The following ADGRD1 variants were observed in gnomAD, a reference collection of about 807,000 sequenced individuals.
The protein encoded by ADGRD1 is G-protein coupled receptor 133.
In ADGRD1, 77 loss-of-function variants were observed where a neutral mutation model predicts 113.4. That is an observed-to-expected ratio of 0.68 (90% CI 0.57 to 0.82). ADGRD1 has a LOEUF of 0.82. ADGRD1 is among the 40% of genes least tolerant of loss of function. ADGRD1 has a pLI of 0.00. For synonymous variants in ADGRD1, 474 were observed against 475.0 expected, an observed-to-expected ratio of 1.00 and a Z score of 0.03; for missense variants, 1,036 against 1,139.1, an observed-to-expected ratio of 0.91 and a Z score of 1.30.
intron 15 of ADGRD1, among the ~76,000 whole-genome samples, chr12:131,087,643 A>G (rs1886577883): frequency 6.6e-6 from 1 of 152,178 alleles, no homozygotes; most frequent in East Asian, 1.9e-4. Flanking sequence ...GTGACCCGCC[A>G]GATAATCCCG....
At chr12:131,013,996 A>G (rs963570401) in intron 12 of ADGRD1, among the ~76,000 whole-genome samples, 1 of 152,232 alleles carries the variant, frequency 6.6e-6, no homozygotes, top group Non-Finnish European at 1.5e-5. Flanking sequence ...GTTAAAACAC[A>G]GAATAGTTGA....
chr12:131,080,849 T>C lies in ADGRD1; in HGVS notation c.1548-3691T>C, dbSNP rs955069398. On this transcript the variant is annotated intron_variant, in intron 14 of 24. Transcript: ENST00000261654. ...GTTAGCCAGGATGGTCTCGATCTCC[T>C]GACCTCGTGATCCGCCCGCCTCGGC... Among the ~76,000 whole-genome samples, 6 of 152,186 alleles carry C rather than the reference T, an allele frequency of 3.9e-5. No individual in the cohort carries two copies. In the South Asian group the frequency reaches 1.2e-3, roughly 32 times the overall value.
chr12:131,006,186 G>A lies in ADGRD1; in HGVS notation c.1331+139G>A, dbSNP rs1271202231. 2.7e-5 allele frequency: 20 copies of A among 742,470 alleles called. No individual in the cohort carries two copies. The East Asian group carries it at 5.1e-4, about 19-fold the overall frequency. The allele number at this position is 742,470 out of a possible 1,614,324, so 46.0% of individuals were successfully genotyped here. On this transcript the variant is annotated intron_variant, in intron 12 of 24. Transcript: ENST00000261654. ...ACCGGGCGCTTCACTGCTCGGGCAA[G>A]GAAACGTGAAGCGTTTTGAAGGCCA...
intron 7 of ADGRD1, 36 bp downstream of exon 7, chr12:130,991,114 A>C (rs1375611646): frequency 6.4e-7 from 1 of 1,569,932 alleles, no homozygotes; most frequent in African/African-American, 1.3e-5. Flanking sequence ...CCCCTTGCTG[A>C]TGTTCTTCTG....
intron 18 of ADGRD1, among the ~76,000 whole-genome samples, chr12:131,111,097 C>CTTT (rs34797050): frequency 7.5e-5 from 11 of 147,444 alleles, no homozygotes; most frequent in Non-Finnish European, 1.5e-4. Context: ...ATTGTGTTTA[C>CTTT]TTTTTTTTTT....
At chr12:130,972,206 AC>A (rs1490095928) in intron 4 of ADGRD1, among the ~76,000 whole-genome samples, 1 of 152,210 alleles carries the variant, frequency 6.6e-6, no homozygotes, top group Non-Finnish European at 1.5e-5. Flanking sequence ...CAGGCAATGC[AC>A]GTCTGGATCA....
chr12:131,006,804 A>G (rs1397553436), intron 12 of ADGRD1, among the ~76,000 whole-genome samples: 1 of 152,094 alleles, frequency 6.6e-6, no homozygotes, highest in Non-Finnish European at 1.5e-5. Context: ...TTTCTTGGGG[A>G]AAGCCTGCAT....
At chr12:131,097,892 C>T (rs925536556) in intron 15 of ADGRD1, among the ~76,000 whole-genome samples, 30 of 152,344 alleles carry the variant, frequency 2.0e-4, no homozygotes, top group Admixed American at 1.5e-3. Context: ...CTGCTCTCTG[C>T]CCTACGCTTG....
intron 3 of ADGRD1, chr12:130,970,071 G>A (rs554215973): frequency 6.6e-6 from 1 of 152,258 alleles, no homozygotes; most frequent in East Asian, 1.9e-4. Context: ...ATCATTAAAA[G>A]CTGTTTGTGA....
At position 131,003,935 on chromosome 12, in the gene ADGRD1, G is replaced by T. The variant is rs1288791421; in HGVS notation, c.1145-251G>T. On this transcript the variant is annotated intron_variant, in intron 10 of 24. Transcript: ENST00000261654. The surrounding 1 kb of genome is among the most constrained non-coding windows in gnomAD (Gnocchi z 4.8). ...GCTGGGGGCTGTGCTGGGGCGGAGG[G>T]CGCCCCAGGTGAGGAGCCGCGCGCC... Among the ~76,000 whole-genome samples the T allele has an allele frequency of 6.6e-6, 1 of 152,018 alleles. No homozygotes were observed. Among genetic ancestry groups the T allele is most frequent in the Non-Finnish European group, 1.5e-5 (1 of 68,002 alleles).
At chr12:131,069,402 AC>A (rs976385998) in intron 13 of ADGRD1, 2 of 152,134 alleles carry the variant, frequency 1.3e-5, no homozygotes, top group African/African-American at 4.8e-5. Context: ...GAGTCCTCCA[AC>A]CACCATGTGG....
intron 4 of ADGRD1, chr12:130,978,711 T>G (rs2136574674): frequency 6.6e-6 from 1 of 152,366 alleles, no homozygotes; most frequent in Middle Eastern, 3.4e-3. Flanking sequence ...CATGGAATTT[T>G]TTTATTTTTA....
At chr12:130,973,565 T>C (rs1449977704) in intron 4 of ADGRD1, among the ~76,000 whole-genome samples, 1 of 152,186 alleles carries the variant, frequency 6.6e-6, no homozygotes, top group Non-Finnish European at 1.5e-5. Flanking sequence ...GTTGAACTGA[T>C]CATAATAGCT....
chr12:131,091,157 TC>T (rs1886880263), intron 15 of ADGRD1, among the ~76,000 whole-genome samples: 1 of 152,218 alleles, frequency 6.6e-6, no homozygotes, highest in Non-Finnish European at 1.5e-5. Flanking sequence ...GGCAAGTTTT[TC>T]TTTTAATTGG....
At chr12:131,033,451 G>A (rs962911219) in intron 13 of ADGRD1, among the ~76,000 whole-genome samples, 7 of 152,334 alleles carry the variant, frequency 4.6e-5, no homozygotes, top group African/African-American at 1.4e-4. Flanking sequence ...CTTCCTTCCC[G>A]CTCAGAGCGT....
chr12:131,085,581 G>T (rs1412887384), intron 15 of ADGRD1, among the ~76,000 whole-genome samples: 1 of 152,182 alleles, frequency 6.6e-6, no homozygotes, highest in African/African-American at 2.4e-5. Context: ...GCTCATGTAG[G>T]TGGAAACCAG....
intron 4 of ADGRD1, among the ~76,000 whole-genome samples, chr12:130,974,406 T>G (rs1177938238): frequency 1.3e-5 from 2 of 152,184 alleles, no homozygotes; most frequent in Non-Finnish European, 2.9e-5. Context: ...AGCATTGAGC[T>G]TTAAAAATGG....
intron 5 of ADGRD1, among the ~76,000 whole-genome samples, chr12:130,985,718 A>G (rs1384790914): frequency 6.6e-6 from 1 of 151,842 alleles, no homozygotes; most frequent in Non-Finnish European, 1.5e-5. Context: ...CGCCCAGCTA[A>G]TTTTTTGTAT....
At chr12:131,037,400 A>G (rs572639973) in intron 13 of ADGRD1, among the ~76,000 whole-genome samples, 18 of 98,738 alleles carry the variant, frequency 1.8e-4, no homozygotes, top group South Asian at 1.2e-3. Context: ...TCACTACACC[A>G]GGTCTCAGTC....
Sources: gnomAD v4.1 joint callset for allele counts (sites outside exome capture counted in the v4.1 genomes callset) on GRCh38, gnomAD v4.1.1 for gene constraint, Gnocchi (gnomAD v3.1) non-coding constraint, MANE v1.5 for transcripts, NCBI Gene and HGNC (gene_info 2026-07-23, HGNC 2026-07-21) for gene names.